Variants in NPAS3 observed in about 807,000 individuals in gnomAD.
The protein encoded by NPAS3 is neuronal PAS domain protein 3.
A neutral mutation model predicts 73.1 loss-of-function variants in NPAS3; 14 were observed. The ratio of observed to expected loss-of-function variants is 0.19; its 90% CI spans 0.13 to 0.30. The LOEUF (loss-of-function observed/expected upper bound fraction) is 0.30. NPAS3 is among the 10% of genes least tolerant of loss of function. The pLI is 1.00. For missense variants in NPAS3, 1,096 were observed against 1,250.0 expected (o/e 0.88, Z 1.86); for synonymous variants, 620 against 541.5 (o/e 1.14, Z -2.01).
At chr14:33,006,395 T>G (rs1345456554) in intron 1 of NPAS3, among the ~76,000 whole-genome samples, 2 of 152,118 alleles carry the variant, frequency 1.3e-5, no homozygotes, top group African/African-American at 4.8e-5. Context: ...AAGACTTCGG[T>G]AGAGAAAAGG....
chr14:33,034,481 G>A (rs1050715390), intron 1 of NPAS3, among the ~76,000 whole-genome samples: 2 of 151,148 alleles, frequency 1.3e-5, no homozygotes, highest in Non-Finnish European at 2.9e-5. Flanking sequence ...ATTTTAATAT[G>A]TAAAACTATA....
intron 5 of NPAS3, among the ~76,000 whole-genome samples, chr14:33,647,614 T>C (rs2058871109): frequency 6.6e-6 from 1 of 152,162 alleles, no homozygotes; most frequent in African/African-American, 2.4e-5. Flanking sequence ...CTATTTACAC[T>C]GAAATTTTTA....
rs201283993 is a variant in NPAS3, at chr14:33,095,657, C to CTTTTTTTTT, written c.140+39667_140+39668insTTTTTTTTT. On this transcript the variant is annotated intron_variant, in intron 2 of 11. Transcript: ENST00000356141. ...TACACAAAGGCGTGGGCATTCTCTGCTTTTATTTTTTTATTTTTTTTTTTT... is the reference window on the plus strand; with the variant it reads ...TACACAAAGGCGTGGGCATTCTCTGCTTTTTTTTTTTTTATTTTTTTATTTTTTTTTTTT... 9.3e-3 allele frequency among the ~76,000 whole-genome samples: 911 copies of CTTTTTTTTT among 97,594 alleles called. 207 individuals are homozygous for CTTTTTTTTT. Among genetic ancestry groups the CTTTTTTTTT allele is most frequent in the African/African-American group, 0.018 (394 of 22,282 alleles). 64.0% of individuals were successfully genotyped at this position (97,594 alleles called of 152,430 possible).
rs61640170 is a variant in NPAS3 at position 33,452,774 on chromosome 14, C to CAAAAAAAA, written c.468+85524_468+85531dup. 3.7e-3 allele frequency among the ~76,000 whole-genome samples: 198 copies of CAAAAAAAA among 53,822 alleles called. 38 individuals are homozygous for CAAAAAAAA. Among genetic ancestry groups the CAAAAAAAA allele is most frequent in the African/African-American group, 0.015 (188 of 12,866 alleles). The allele number at this position is 53,822 out of a possible 152,430, so 35.3% of individuals were successfully genotyped here. ...TGGGCGACAGAGTTAGACTCTGTCT[C>CAAAAAAAA]AAAAAAAAAAAAAAAAAAAAAAAAA... is the stretch of plus-strand genomic sequence containing the variant. On this transcript the variant is annotated intron_variant, in intron 4 of 11. Coordinates refer to ENST00000356141, the Ensembl canonical transcript of NPAS3.
intron 1 of NPAS3, among the ~76,000 whole-genome samples, chr14:32,995,845 G>A (rs1278506437): frequency 6.6e-6 from 1 of 152,144 alleles, no homozygotes. Context: ...GTGTGAAAAT[G>A]GACTAATACA....
At chr14:33,737,234 A>T (rs2061544985) in intron 7 of NPAS3, among the ~76,000 whole-genome samples, 1 of 152,168 alleles carries the variant, frequency 6.6e-6, no homozygotes, top group Non-Finnish European at 1.5e-5. Flanking sequence ...AGATTATAAA[A>T]GGTCACGCTG....
At chr14:33,602,523 TC>T (rs1340826302) in intron 5 of NPAS3, among the ~76,000 whole-genome samples, 1 of 152,174 alleles carries the variant, frequency 6.6e-6, no homozygotes, top group African/African-American at 2.4e-5. Context: ...GGTGGGTCTC[TC>T]CCAGCAGGCA....
Position 33,557,874 on chromosome 14 carries a change from C to G in NPAS3, c.469-2247C>G, listed in dbSNP as rs189445630. 2.0e-5 allele frequency among the ~76,000 whole-genome samples: 3 copies of G among 152,298 alleles called. No homozygotes were observed. The East Asian group carries it at 5.8e-4, about 29-fold the overall frequency. ...GTCCCAGCTACTTGGGAGGCTGAGGCAGGAGAATGGTGTGAACCCGGGAGG... is the reference window on the plus strand; with the variant it reads ...GTCCCAGCTACTTGGGAGGCTGAGGGAGGAGAATGGTGTGAACCCGGGAGG... On this transcript the variant is annotated intron_variant, in intron 4 of 11. Transcript: ENST00000356141.
chr14:33,097,685 C>T (rs1595443144), intron 2 of NPAS3, among the ~76,000 whole-genome samples: 1 of 152,204 alleles, frequency 6.6e-6, no homozygotes, highest in East Asian at 1.9e-4. Flanking sequence ...TGTTTTCTGT[C>T]GTTCATTTTT....
intron 3 of NPAS3, among the ~76,000 whole-genome samples, chr14:33,325,047 G>A (rs2043630877): frequency 6.6e-6 from 1 of 152,128 alleles, no homozygotes; most frequent in Non-Finnish European, 1.5e-5. Flanking sequence ...ACCGGGTACA[G>A]TCATCTGTAG....
intron 4 of NPAS3, among the ~76,000 whole-genome samples, chr14:33,458,771 G>T (rs1345459553): frequency 2.0e-5 from 3 of 152,062 alleles, no homozygotes; most frequent in Non-Finnish European, 1.5e-5. Flanking sequence ...GTAACCAAAA[G>T]AAAAAGGATA....
chr14:33,253,995 T>C (rs914493099), intron 3 of NPAS3, among the ~76,000 whole-genome samples: 1 of 152,112 alleles, frequency 6.6e-6, no homozygotes, highest in African/African-American at 2.4e-5. Context: ...AAATATAAAC[T>C]GGGAAGTTAA....
At chr14:33,107,906 C>T (rs373422368) in intron 2 of NPAS3, among the ~76,000 whole-genome samples, 10 of 152,222 alleles carry the variant, frequency 6.6e-5, no homozygotes, top group African/African-American at 2.4e-4. Flanking sequence ...TAGATTCATA[C>T]ACAATGTGCT....
At chr14:33,546,280 A>T (rs1360312187) in intron 4 of NPAS3, among the ~76,000 whole-genome samples, 1 of 152,184 alleles carries the variant, frequency 6.6e-6, no homozygotes, top group Non-Finnish European at 1.5e-5. Flanking sequence ...TTGTCGATTG[A>T]CTTATGCAGA....
chr14:33,499,483 A>G (rs1044904539), intron 4 of NPAS3, among the ~76,000 whole-genome samples: 1 of 151,954 alleles, frequency 6.6e-6, no homozygotes, highest in Non-Finnish European at 1.5e-5. Context: ...AGAAAGTATA[A>G]GTATACTTTA....
chr14:32,991,880 G>A (rs151104587), intron 1 of NPAS3, among the ~76,000 whole-genome samples: 1 of 152,256 alleles, frequency 6.6e-6, no homozygotes, highest in East Asian at 1.9e-4. Context: ...GCACTCAGAG[G>A]GCAGATCCGT....
At chr14:32,959,787 A>T (rs1337751726) in intron 1 of NPAS3, among the ~76,000 whole-genome samples, 2 of 152,118 alleles carry the variant, frequency 1.3e-5, no homozygotes, top group African/African-American at 4.8e-5. Flanking sequence ...GGAAAACTCT[A>T]TTTGCTGAAT....
intron 3 of NPAS3, among the ~76,000 whole-genome samples, chr14:33,227,156 G>C (rs974227211): frequency 1.3e-5 from 2 of 152,188 alleles, no homozygotes; most frequent in African/African-American, 4.8e-5. Context: ...AAGTGGTGCA[G>C]TGATATTTGC....
At chr14:33,136,781 T>G (rs2043856324) in intron 2 of NPAS3, among the ~76,000 whole-genome samples, 1 of 152,228 alleles carries the variant, frequency 6.6e-6, no homozygotes, top group Non-Finnish European at 1.5e-5. Flanking sequence ...AGCAATGGCC[T>G]TTGCATCTGG....
Sources: allele counts gnomAD v4.1 joint callset (sites outside exome capture counted in the v4.1 genomes callset), GRCh38; gene constraint gnomAD v4.1.1; transcripts MANE v1.5; gene names NCBI Gene and HGNC (gene_info 2026-07-23, HGNC 2026-07-21).